CDK6: variants seen among roughly 807,000 people sequenced by gnomAD.
CDK6 encodes cyclin dependent kinase 6.
In CDK6, 6 loss-of-function variants were observed where a neutral mutation model predicts 37.1. The observed-to-expected ratio is 0.16, with a 90% confidence interval of 0.09 to 0.32. The LOEUF is 0.32. CDK6 is among the 10% of genes least tolerant of loss of function. The probability of loss-of-function intolerance (pLI) is 1.00; values close to 1 mark genes in which losing one functional copy is unlikely to be tolerated. For synonymous variants in CDK6, 160 were observed against 161.3 expected, an observed-to-expected ratio of 0.99 and a Z score of 0.06; for missense variants, 224 against 418.9, an observed-to-expected ratio of 0.53 and a Z score of 4.06.
chr7:92,788,448 A>AT (rs1800198715), intron 2 of CDK6, among the ~76,000 whole-genome samples: 1 of 152,132 alleles, frequency 6.6e-6, no homozygotes, highest in African/African-American at 2.4e-5. Flanking sequence ...TCCCTAAACT[A>AT]TTTTTTAAAA....
Position 92,605,969 on chromosome 7 carries a change from A to G in CDK6, c.*9171T>C, listed in dbSNP as rs1795418520. ...TGTGTCCCAGGCAGTGAATTTCCAC[A>G]CTGCTTCTTGGGTCTGCAGAACTCA... On this transcript the variant is annotated 3_prime_UTR_variant, in exon 8 of 8. Transcript: ENST00000424848. The G allele has an allele frequency of 4.3e-6, 1 of 233,638 alleles. No individual in the cohort carries two copies. The highest frequency in any genetic ancestry group is 8.5e-6 in the Non-Finnish European group (1 of 117,998). The allele number at this position is 233,638 out of a possible 1,614,324, so 14.5% of individuals were successfully genotyped here.
intron 3 of CDK6, among the ~76,000 whole-genome samples, chr7:92,768,487 T>C (rs923217297): frequency 6.6e-6 from 1 of 152,236 alleles, no homozygotes; most frequent in Non-Finnish European, 1.5e-5. Flanking sequence ...AAATGTACTT[T>C]CTTTTTAAAA....
intron 4 of CDK6, among the ~76,000 whole-genome samples, chr7:92,676,476 G>T: frequency 6.6e-6 from 1 of 151,840 alleles, no homozygotes; most frequent in East Asian, 1.9e-4. Flanking sequence ...TATTGATAAG[G>T]GTTTGTCTTA....
At chr7:92,697,447 G>A (rs1797746324) in intron 4 of CDK6, among the ~76,000 whole-genome samples, 1 of 152,132 alleles carries the variant, frequency 6.6e-6, no homozygotes, top group African/African-American at 2.4e-5. Context: ...AAAAACTTGT[G>A]AGATAGGCAC....
At chr7:92,814,555 C>CAAAAAAAA (rs201939605) in intron 2 of CDK6, among the ~76,000 whole-genome samples, 4 of 70,010 alleles carry the variant, frequency 5.7e-5, no homozygotes, top group Admixed American at 1.5e-4. Flanking sequence ...AACTGAATTG[C>CAAAAAAAA]AAAAAAAAAA....
rs202146036 is a variant in CDK6, at chr7:92,833,123, G to A, written c.201C>T (p.His67=). 3 of 1,605,772 alleles carry A rather than the reference G, an allele frequency of 1.9e-6. No individual in the cohort carries two copies. Among genetic ancestry groups the A allele is most frequent in the East Asian group, 4.5e-5 (2 of 44,532 alleles). Residue 67 remains histidine, a synonymous_variant, in exon 2 of 8, where the codon CAC becomes CAT. Transcript: ENST00000424848. This position sits in a 1 kb window ranked among gnomAD's most constrained non-coding sequence, Gnocchi z 6.1. ...CGTTGGGGTGCTCGAAGGTCTCCAGGTGCCTCAGCACCGCCACCTCGCGGA... is the reference window on the plus strand; with the variant it reads ...CGTTGGGGTGCTCGAAGGTCTCCAGATGCCTCAGCACCGCCACCTCGCGGA... ...STIREVAVLR[H]LETFEHPNVV...
At chr7:92,688,650 T>C (rs935028957) in intron 4 of CDK6, among the ~76,000 whole-genome samples, 1 of 148,642 alleles carries the variant, frequency 6.7e-6, no homozygotes, top group Non-Finnish European at 1.5e-5. Context: ...TTAGACAATT[T>C]AGGCATTGAA....
At chr7:92,804,327 T>G (rs918043538) in intron 2 of CDK6, among the ~76,000 whole-genome samples, 1 of 152,134 alleles carries the variant, frequency 6.6e-6, no homozygotes, top group African/African-American at 2.4e-5. Context: ...TACAACTAAT[T>G]CACAAATTTA....
chr7:92,810,122 T>C (rs1411037987), intron 2 of CDK6, among the ~76,000 whole-genome samples: 1 of 152,162 alleles, frequency 6.6e-6, no homozygotes, highest in African/African-American at 2.4e-5. Context: ...TGTTTGAAAA[T>C]ATATATGCGT....
rs1795419412 is a variant in CDK6 at position 92,606,020 on chromosome 7, G to A, written c.*9120C>T. On this transcript the variant is annotated 3_prime_UTR_variant, in exon 8 of 8. Coordinates refer to ENST00000424848, the MANE Select transcript of CDK6 (RefSeq NM_001145306.2). Reference sequence around the variant, plus strand: ...AAGCACCAAAACAGAGCATTCTGTAGCAATATAAGCAAACGGAATAAGAAT... The same window carrying A: ...AAGCACCAAAACAGAGCATTCTGTAACAATATAAGCAAACGGAATAAGAAT... 1 of 233,566 alleles carries A rather than the reference G, an allele frequency of 4.3e-6. No individual in the cohort carries two copies. The highest frequency in any genetic ancestry group is 2.2e-5 in the African/African-American group (1 of 45,356). 14.5% of individuals were successfully genotyped at this position (233,566 alleles called of 1,614,324 possible). A position where few individuals can be genotyped will look rare whatever the true frequency, so the allele number is the denominator to read the frequency against.
chr7:92,641,259 T>C (rs1309489460), intron 5 of CDK6, among the ~76,000 whole-genome samples: 1 of 152,216 alleles, frequency 6.6e-6, no homozygotes, highest in Non-Finnish European at 1.5e-5. Context: ...CATCATCCAT[T>C]GATGATTTTC....
chr7:92,737,464 C>A (rs1798814489), intron 3 of CDK6, among the ~76,000 whole-genome samples: 1 of 152,142 alleles, frequency 6.6e-6, no homozygotes, highest in African/African-American at 2.4e-5. Context: ...TTTTAAGTTG[C>A]TTTTTCCCTA....
At chr7:92,758,643 A>G (rs1383328140) in intron 3 of CDK6, among the ~76,000 whole-genome samples, 3 of 152,142 alleles carry the variant, frequency 2.0e-5, no homozygotes, top group Non-Finnish European at 4.4e-5. Flanking sequence ...TATGAATTTG[A>G]AAATAGTTTT....
At chr7:92,779,053 GACCGTTGTCTTAGAAGTT>G (rs1014110819) in intron 2 of CDK6, among the ~76,000 whole-genome samples, 1 of 151,652 alleles carries the variant, frequency 6.6e-6, no homozygotes, top group African/African-American at 2.4e-5. Context: ...CTGCCCCCTG[GACCGTTGTCTTAGAAGTT>G]ACCTAACAAC....
At chr7:92,774,894 T>C in intron 2 of CDK6, 63 bp from the exon 3 acceptor site, 1 of 1,485,188 alleles carries the variant, frequency 6.7e-7, no homozygotes, top group Non-Finnish European at 9.1e-7. Flanking sequence ...CTGTATGTTT[T>C]ATACATATCG....
At position 92,833,298 on chromosome 7, in the gene CDK6, G is replaced by T; in HGVS notation, c.26C>A (p.Ala9Asp). The change falls in exon 2 of 8, where the codon GCT (alanine) becomes GAT (aspartate). Residue 9 changes from alanine to aspartate, a missense_variant. By Grantham distance (126) the Ala-to-Asp change is moderately radical. Coordinates refer to ENST00000424848, the MANE Select transcript of CDK6 (RefSeq NM_001145306.2). This position sits in a 1 kb window ranked among gnomAD's most constrained non-coding sequence, Gnocchi z 6.1. ...CGCCACGCATTCGTACTGCTGGTCAGCGCGGCACAGGCCGTCCTTCTCCAT... is the reference window on the plus strand; with the variant it reads ...CGCCACGCATTCGTACTGCTGGTCATCGCGGCACAGGCCGTCCTTCTCCAT... Reference protein sequence around the residue: MEKDGLCRADQQYECVAEI... With the variant: MEKDGLCRDDQQYECVAEI... 6.2e-7 allele frequency: 1 copy of T among 1,603,396 alleles called. No homozygotes were observed.
At chr7:92,811,340 G>A (rs899349587) in intron 2 of CDK6, among the ~76,000 whole-genome samples, 1 of 151,952 alleles carries the variant, frequency 6.6e-6, no homozygotes, top group Non-Finnish European at 1.5e-5. Context: ...GGCAAACATC[G>A]TTTTAGTCCC....
Position 92,609,571 on chromosome 7 carries a change from G to A in CDK6, c.*5569C>T. ...CAAAAGTTTTGTCTACTGAATTACT[G>A]ATGTGCTACTCATTTTGCTCACCTG... On this transcript the variant is annotated 3_prime_UTR_variant, in exon 8 of 8. Coordinates refer to ENST00000424848, the MANE Select transcript of CDK6 (RefSeq NM_001145306.2). The A allele has an allele frequency of 4.3e-6, 1 of 230,020 alleles. No individual in the cohort carries two copies. The highest frequency in any genetic ancestry group is 8.6e-6 in the Non-Finnish European group (1 of 116,208). The allele number at this position is 230,020 out of a possible 1,614,324, so 14.2% of individuals were successfully genotyped here.
rs895731319 is a variant in CDK6 at position 92,615,084 on chromosome 7, C to T, written c.*56G>A. 6.9e-5 allele frequency: 110 copies of T among 1,594,724 alleles called. No homozygotes were observed. In the South Asian group the frequency reaches 8.3e-4, roughly 12 times the overall value. On this transcript the variant is annotated 3_prime_UTR_variant, in exon 8 of 8. Coordinates refer to ENST00000424848, the MANE Select transcript of CDK6 (RefSeq NM_001145306.2). ...CTCTGTAGGGCTTGCTGAGGGGGACCCATAAGCCACCAAGGGTGTTCTCCG... is the reference window on the plus strand; with the variant it reads ...CTCTGTAGGGCTTGCTGAGGGGGACTCATAAGCCACCAAGGGTGTTCTCCG...
Sources: gnomAD v4.1 joint callset for allele counts (sites outside exome capture counted in the v4.1 genomes callset) on GRCh38, gnomAD v4.1.1 for gene constraint, Gnocchi (gnomAD v3.1) non-coding constraint, MANE v1.5 for transcripts, NCBI Gene and HGNC (gene_info 2026-07-23, HGNC 2026-07-21) for gene names.